IMMP2L: variants seen among roughly 807,000 people sequenced by gnomAD.
The protein encoded by IMMP2L is mitochondrial inner membrane protease subunit 2.
IMMP2L carries 18 observed loss-of-function variants against 19.3 expected under a neutral mutation model. That is an observed-to-expected ratio of 0.93 (90% CI 0.64 to 1.38). The LOEUF (loss-of-function observed/expected upper bound fraction) is 1.38. Ranked by LOEUF, IMMP2L falls within the 40% of genes most tolerant of loss-of-function variation. The probability of loss-of-function intolerance (pLI) is 0.00; values close to 1 mark genes in which losing one functional copy is unlikely to be tolerated. For synonymous variants in IMMP2L, 76 were observed against 73.0 expected (o/e 1.04, Z -0.21); for missense variants, 233 against 218.2 (o/e 1.07, Z -0.43).
chr7:111,003,470 A>G (rs1823942281), intron 3 of IMMP2L, among the ~76,000 whole-genome samples: 2 of 152,144 alleles, frequency 1.3e-5, no homozygotes, highest in Admixed American at 6.6e-5. Context: ...TAAAAATTGT[A>G]ATTGCCATTA....
intron 3 of IMMP2L, among the ~76,000 whole-genome samples, chr7:111,020,621 G>A (rs1826184510): frequency 6.6e-6 from 1 of 152,052 alleles, no homozygotes; most frequent in Non-Finnish European, 1.5e-5. Flanking sequence ...ATTTAGCAGG[G>A]TGTGGTAGCA....
chr7:110,726,677 A>G (rs17398720), intron 5 of IMMP2L, among the ~76,000 whole-genome samples: 32,460 of 152,176 alleles, frequency 0.21, 3,686 homozygotes, highest in Admixed American at 0.26. Flanking sequence ...AGAAACTTCA[A>G]CAGAACCTCT....
chr7:111,480,957 C>T (rs1563245905), intron 3 of IMMP2L, among the ~76,000 whole-genome samples: 1 of 152,166 alleles, frequency 6.6e-6, no homozygotes, highest in South Asian at 2.1e-4. Flanking sequence ...ACTCAAGACA[C>T]AAAGCATCTT....
At chr7:110,835,894 C>G (rs1012856227) in intron 5 of IMMP2L, among the ~76,000 whole-genome samples, 1 of 151,984 alleles carries the variant, frequency 6.6e-6, no homozygotes, top group Non-Finnish European at 1.5e-5. Flanking sequence ...CCCATTTTTC[C>G]CAATGGGTCA....
At chr7:111,339,259 TCAG>T (rs72281664) in intron 3 of IMMP2L, among the ~76,000 whole-genome samples, 3,779 of 152,062 alleles carry the variant, frequency 0.025, 176 homozygotes, top group African/African-American at 0.086. Context: ...ATGCCATGAT[TCAG>T]CAGATCTCTC....
At chr7:110,809,307 G>A (rs1266403950) in intron 5 of IMMP2L, among the ~76,000 whole-genome samples, 1 of 151,966 alleles carries the variant, frequency 6.6e-6, no homozygotes, top group Admixed American at 6.6e-5. Context: ...AATACTCTTA[G>A]ACATTGGGAT....
chr7:111,340,136 G>A (rs771836923), intron 3 of IMMP2L, among the ~76,000 whole-genome samples: 2 of 151,924 alleles, frequency 1.3e-5, no homozygotes, highest in African/African-American at 2.4e-5. Flanking sequence ...ACTGAAATCC[G>A]AAAGTTCCTT....
chr7:111,240,342 A>G (rs1258079804), intron 3 of IMMP2L, among the ~76,000 whole-genome samples: 2 of 152,000 alleles, frequency 1.3e-5, no homozygotes, highest in Non-Finnish European at 2.9e-5. Flanking sequence ...CAGACATACA[A>G]TCTAACCATG....
intron 5 of IMMP2L, among the ~76,000 whole-genome samples, chr7:110,787,279 G>T (rs938182680): frequency 6.6e-6 from 1 of 151,982 alleles, no homozygotes; most frequent in Non-Finnish European, 1.5e-5. Flanking sequence ...TAGGTAAGAT[G>T]AGTTAGTGTA....
chr7:110,690,817 T>A (rs1264366687), intron 5 of IMMP2L, among the ~76,000 whole-genome samples: 6 of 150,946 alleles, frequency 4.0e-5, no homozygotes, highest in African/African-American at 1.5e-4. Context: ...AAAAAAAAAA[T>A]AGATAACACA....
intron 5 of IMMP2L, among the ~76,000 whole-genome samples, chr7:110,865,395 T>G (rs977724373): frequency 2.2e-4 from 34 of 152,110 alleles, no homozygotes; most frequent in African/African-American, 7.5e-4. Context: ...TCTCCAGTGT[T>G]AGCCTTCATT....
At position 110,890,084 on chromosome 7, in the gene IMMP2L, A is replaced by T. The variant is rs1230687120; in HGVS notation, c.306-3389T>A. On this transcript the variant is annotated intron_variant, in intron 4 of 5. Coordinates refer to ENST00000405709, the MANE Select transcript of IMMP2L (RefSeq NM_032549.4). ...TGCTATCTATTAGCATCAGTTTTTT[A>T]AAATTACCTGAACTACGCTTCAGTA... Among the ~76,000 whole-genome samples the T allele has an allele frequency of 2.0e-5, 3 of 152,164 alleles. No individual in the cohort carries two copies. The East Asian group carries it at 5.8e-4, about 29-fold the overall frequency.
intron 3 of IMMP2L, among the ~76,000 whole-genome samples, chr7:111,155,617 A>C (rs1372823278): frequency 6.8e-6 from 1 of 147,700 alleles, no homozygotes; most frequent in Non-Finnish European, 1.5e-5. Context: ...ATTGCACATA[A>C]ATTTCCATGA....
At chr7:110,862,207 A>C (rs1309612955) in intron 5 of IMMP2L, among the ~76,000 whole-genome samples, 4 of 151,852 alleles carry the variant, frequency 2.6e-5, no homozygotes, top group Admixed American at 1.3e-4. Context: ...AAGACTTTTA[A>C]AGTCAATTTT....
intron 5 of IMMP2L, among the ~76,000 whole-genome samples, chr7:110,744,336 C>T (rs558904541): frequency 4.9e-4 from 74 of 152,314 alleles, no homozygotes; most frequent in African/African-American, 1.7e-3. Context: ...CAGACTTAAA[C>T]GTCCCTACCT....
chr7:111,209,823 C>G (rs1460172003), intron 3 of IMMP2L, among the ~76,000 whole-genome samples: 1 of 149,456 alleles, frequency 6.7e-6, no homozygotes, highest in Non-Finnish European at 1.5e-5. Context: ...AGGACACTTA[C>G]AGGTGGGCCT....
At chr7:111,256,024 A>G (rs904538295) in intron 3 of IMMP2L, among the ~76,000 whole-genome samples, 1 of 152,072 alleles carries the variant, frequency 6.6e-6, no homozygotes, top group Non-Finnish European at 1.5e-5. Context: ...AATAAATCAT[A>G]ATTATCTCTC....
chr7:111,321,333 C>T (rs945711232), intron 3 of IMMP2L, among the ~76,000 whole-genome samples: 9 of 151,694 alleles, frequency 5.9e-5, no homozygotes, highest in African/African-American at 1.5e-4. Flanking sequence ...ATCCTGCTTC[C>T]GTATATGATT....
intron 3 of IMMP2L, among the ~76,000 whole-genome samples, chr7:111,453,533 A>G (rs1218787209): frequency 6.6e-6 from 1 of 152,194 alleles, no homozygotes; most frequent in Non-Finnish European, 1.5e-5. Flanking sequence ...TATCGGTATC[A>G]TTGGAGCATT....
Sources: gnomAD v4.1 joint callset for allele counts (sites outside exome capture counted in the v4.1 genomes callset) on GRCh38, gnomAD v4.1.1 for gene constraint, MANE v1.5 for transcripts, NCBI Gene and HGNC (gene_info 2026-07-23, HGNC 2026-07-21) for gene names.